Variants in GULP1 observed in about 807,000 individuals in gnomAD.
GULP1 encodes the protein GULP PTB domain containing engulfment adaptor 1, also known as PTB domain-containing engulfment adapter protein 1.
A neutral mutation model predicts 40.9 loss-of-function variants in GULP1; 19 were observed. The observed-to-expected ratio is 0.46, with a 90% CI of 0.32 to 0.68. The LOEUF (loss-of-function observed/expected upper bound fraction) is 0.68. Among genes scored for constraint, GULP1 ranks in the 30% least tolerant of loss-of-function variants. The probability of loss-of-function intolerance (pLI) is 0.03; values close to 1 mark genes in which losing one functional copy is unlikely to be tolerated. For synonymous variants in GULP1, 119 were observed against 117.6 expected (o/e 1.01, Z -0.08); for missense variants, 312 against 362.2 (o/e 0.86, Z 1.12).
chr2:188,372,845 G>A (rs2047777583), intron 1 of GULP1, among the ~76,000 whole-genome samples: 1 of 151,956 alleles, frequency 6.6e-6, no homozygotes, highest in African/African-American at 2.4e-5. Context: ...TCACAGATAG[G>A]AAACTATCTT....
chr2:188,402,246 A>T (rs2052403284), intron 2 of GULP1, among the ~76,000 whole-genome samples: 1 of 152,146 alleles, frequency 6.6e-6, no homozygotes, highest in Non-Finnish European at 1.5e-5. Flanking sequence ...TTTGATACTT[A>T]TGTAGGAGGT....
chr2:188,543,066 A>G (rs929179909), intron 7 of GULP1, among the ~76,000 whole-genome samples: 4 of 152,158 alleles, frequency 2.6e-5, no homozygotes, highest in Non-Finnish European at 5.9e-5. Context: ...TAAGTTTGCC[A>G]CCTTAAAAGC....
chr2:188,588,560 A>G (rs1702881378), intron 11 of GULP1: 1 of 153,184 alleles, frequency 6.5e-6, no homozygotes, highest in Admixed American at 6.5e-5. Flanking sequence ...TGATTTAAAA[A>G]TAGTCTTATA....
intron 4 of GULP1, among the ~76,000 whole-genome samples, chr2:188,492,433 A>G (rs548019627): frequency 1.3e-5 from 2 of 152,184 alleles, no homozygotes; most frequent in East Asian, 3.9e-4. Flanking sequence ...AAGAATGGAA[A>G]TACTGATTTA....
At chr2:188,493,865 G>C (rs1337373397) in intron 4 of GULP1, among the ~76,000 whole-genome samples, 1 of 152,066 alleles carries the variant, frequency 6.6e-6, no homozygotes, top group African/African-American at 2.4e-5. Context: ...GGTTGCGTCA[G>C]TTCTCAGACT....
chr2:188,491,323 T>C (rs1012590454), intron 4 of GULP1: 2 of 152,044 alleles, frequency 1.3e-5, no homozygotes, highest in Non-Finnish European at 2.9e-5. Flanking sequence ...ATTTCAGTAA[T>C]GGTGTTTTGA....
At chr2:188,578,679 A>G (rs1170373458) in intron 9 of GULP1, among the ~76,000 whole-genome samples, 1 of 152,118 alleles carries the variant, frequency 6.6e-6, no homozygotes, top group Non-Finnish European at 1.5e-5. Context: ...TCCCCTAAGT[A>G]TAATAATTCA....
intron 2 of GULP1, among the ~76,000 whole-genome samples, chr2:188,388,156 T>C (rs2050033697): frequency 6.6e-6 from 1 of 151,552 alleles, no homozygotes; most frequent in South Asian, 2.1e-4. Context: ...CTTGCGATAG[T>C]TTACTGAGAA....
chr2:188,450,874 A>AG (rs1400478818), intron 2 of GULP1, among the ~76,000 whole-genome samples: 22 of 152,292 alleles, frequency 1.4e-4, no homozygotes, highest in African/African-American at 3.8e-4. Context: ...TTGCAATTCG[A>AG]GCACCATCTG....
chr2:188,442,085 G>T (rs2057987824), intron 2 of GULP1, among the ~76,000 whole-genome samples: 1 of 152,230 alleles, frequency 6.6e-6, no homozygotes, highest in South Asian at 2.1e-4. Flanking sequence ...TAATTACAGA[G>T]GTTAAATTAT....
chr2:188,488,766 T>C (rs1020895194), intron 4 of GULP1, among the ~76,000 whole-genome samples: 1 of 152,128 alleles, frequency 6.6e-6, no homozygotes, highest in East Asian at 1.9e-4. Flanking sequence ...AATAATACTG[T>C]TGTGATTATA....
intron 1 of GULP1, among the ~76,000 whole-genome samples, chr2:188,345,985 C>T (rs1228231960): frequency 6.6e-6 from 1 of 152,216 alleles, no homozygotes; most frequent in Non-Finnish European, 1.5e-5. Flanking sequence ...AATGCCATAA[C>T]ACAAAATGTG....
At chr2:188,299,896 G>A (rs888134828) in intron 1 of GULP1, among the ~76,000 whole-genome samples, 1 of 152,190 alleles carries the variant, frequency 6.6e-6, no homozygotes, top group African/African-American at 2.4e-5. Context: ...AGGCAAGAAG[G>A]CATGAAGCCA....
chr2:188,298,586 C>T (rs2035493722), intron 1 of GULP1, among the ~76,000 whole-genome samples: 1 of 152,060 alleles, frequency 6.6e-6, no homozygotes, highest in Admixed American at 6.6e-5. Flanking sequence ...TAATGCATCA[C>T]CATGACTGGA....
chr2:188,514,781 C>T (rs573526109), intron 4 of GULP1, among the ~76,000 whole-genome samples: 14 of 152,114 alleles, frequency 9.2e-5, no homozygotes, highest in Non-Finnish European at 1.3e-4. Context: ...TCCTGTATGC[C>T]TCTTTCAGGT....
At position 188,295,723 on chromosome 2, in the gene GULP1, TTTATA is replaced by T. The variant is rs374854098; in HGVS notation, c.-172+3563_-172+3567del. On this transcript the variant is annotated intron_variant, in intron 1 of 11. Coordinates refer to ENST00000409830, the MANE Select transcript of GULP1 (RefSeq NM_016315.4). ...CTAGTCATAGCTTTTATTTTTAGAC[TTTATA>T]TTATAATTAATAGTGAATCTGTAAA... Among the ~76,000 whole-genome samples the T allele has an allele frequency of 3.2e-3, 482 of 152,240 alleles. 1 individual carries two copies. Among genetic ancestry groups the T allele is most frequent in the African/African-American group, 0.011 (459 of 41,566 alleles).
At chr2:188,515,607 A>T (rs993507854) in intron 4 of GULP1, among the ~76,000 whole-genome samples, 1 of 151,976 alleles carries the variant, frequency 6.6e-6, no homozygotes, top group Non-Finnish European at 1.5e-5. Flanking sequence ...AATATTACCC[A>T]CACTCTGCCC....
intron 2 of GULP1, among the ~76,000 whole-genome samples, chr2:188,414,109 C>T (rs890285675): frequency 1.3e-5 from 2 of 150,344 alleles, no homozygotes; most frequent in Non-Finnish European, 2.9e-5. Flanking sequence ...CCCAGCTACT[C>T]AGGAAGCTGT....
chr2:188,458,775 T>G (rs1266404073), intron 2 of GULP1, among the ~76,000 whole-genome samples: 2 of 152,134 alleles, frequency 1.3e-5, no homozygotes, highest in Non-Finnish European at 2.9e-5. Flanking sequence ...GTCTTATTCA[T>G]TCATTCTAAT....
Sources: allele counts gnomAD v4.1 joint callset (sites outside exome capture counted in the v4.1 genomes callset), GRCh38; gene constraint gnomAD v4.1.1; transcripts MANE v1.5; gene names NCBI Gene and HGNC (gene_info 2026-07-23, HGNC 2026-07-21).